SRGAP1: variants seen among roughly 807,000 people sequenced by gnomAD.
The protein encoded by SRGAP1 is SLIT-ROBO Rho GTPase-activating protein 1.
In SRGAP1, 43 loss-of-function variants were observed where a neutral mutation model predicts 121.9. That is an observed-to-expected ratio of 0.35 (90% CI 0.28 to 0.46). The LOEUF is 0.46. Ranked by LOEUF, SRGAP1 falls within the 20% of genes least tolerant of loss-of-function variation. The probability of loss-of-function intolerance (pLI) is 1.00; values close to 1 mark genes in which losing one functional copy is unlikely to be tolerated. For missense variants in SRGAP1, 1,102 were observed against 1,350.9 expected, an observed-to-expected ratio of 0.82 and a Z score of 2.89; for synonymous variants, 447 against 485.4, an observed-to-expected ratio of 0.92 and a Z score of 1.04.
intron 21 of SRGAP1, among the ~76,000 whole-genome samples, chr12:64,138,421 C>T (rs1423429156): frequency 6.6e-6 from 1 of 150,398 alleles, no homozygotes; most frequent in Non-Finnish European, 1.5e-5. Context: ...TAACTTCCCC[C>T]CTTTTACTAT....
chr12:63,886,010 T>G (rs1900369426), intron 1 of SRGAP1, among the ~76,000 whole-genome samples: 2 of 152,246 alleles, frequency 1.3e-5, no homozygotes, highest in Admixed American at 1.3e-4. Flanking sequence ...TCTGGCTCAT[T>G]GGATTAAAGT....
intron 1 of SRGAP1, among the ~76,000 whole-genome samples, chr12:63,953,631 T>G (rs891576517): frequency 6.6e-6 from 1 of 151,898 alleles, no homozygotes; most frequent in Non-Finnish European, 1.5e-5. Flanking sequence ...GGTCCCAAAC[T>G]CCTAGTCTCA....
At chr12:63,940,042 A>G (rs1444974201) in intron 1 of SRGAP1, among the ~76,000 whole-genome samples, 2 of 151,104 alleles carry the variant, frequency 1.3e-5, no homozygotes, top group Non-Finnish European at 3.0e-5. Context: ...GCTCACTACA[A>G]CCTCTACCTC....
At chr12:64,101,308 G>GGTGTGTGTGTGTGTGTGTGTGT (rs59020353) in intron 15 of SRGAP1, among the ~76,000 whole-genome samples, 3 of 138,010 alleles carry the variant, frequency 2.2e-5, no homozygotes, top group Non-Finnish European at 4.7e-5. Flanking sequence ...TGGGGAAAGG[G>GGTGTGTGTGTGTGTGTGTGTGT]GTGTGTGTGT....
At chr12:63,976,691 A>T (rs930386004) in intron 1 of SRGAP1, among the ~76,000 whole-genome samples, 1 of 152,214 alleles carries the variant, frequency 6.6e-6, no homozygotes, top group Non-Finnish European at 1.5e-5. Flanking sequence ...CTTTTCACTT[A>T]TATCATCTCA....
chr12:63,983,823 TATATATATATATATATATATA>T (rs2033331310), intron 1 of SRGAP1, 103 bp from the exon 2 acceptor site: 1 of 74,544 alleles, frequency 1.3e-5, no homozygotes, highest in South Asian at 4.4e-4. Context: ...TATATATATA[TATATATATATATATATATATA>T]TATATATATA....
At chr12:64,022,400 A>G (rs1410486512) in intron 4 of SRGAP1, among the ~76,000 whole-genome samples, 1 of 152,152 alleles carries the variant, frequency 6.6e-6, no homozygotes, top group African/African-American at 2.4e-5. Context: ...GAGAGAGTGA[A>G]TTCTCTCTTA....
intron 3 of SRGAP1, among the ~76,000 whole-genome samples, chr12:63,994,445 TAA>T (rs901785085): frequency 3.3e-5 from 5 of 152,092 alleles, no homozygotes; most frequent in African/African-American, 1.2e-4. Context: ...GTGGCTAAAT[TAA>T]GAGTTTTGTC....
At chr12:64,069,489 G>A (rs907553221) in intron 8 of SRGAP1, among the ~76,000 whole-genome samples, 3 of 152,114 alleles carry the variant, frequency 2.0e-5, no homozygotes, top group South Asian at 4.1e-4. Flanking sequence ...TCAGTCTCAC[G>A]ATTCCAACTT....
chr12:64,073,254 C>T (rs545518827), intron 8 of SRGAP1, among the ~76,000 whole-genome samples: 20 of 152,146 alleles, frequency 1.3e-4, no homozygotes, highest in African/African-American at 4.1e-4. Flanking sequence ...ACCATGACAC[C>T]ATTGCTTCTG....
intron 6 of SRGAP1, among the ~76,000 whole-genome samples, chr12:64,049,794 A>G (rs1441613276): frequency 6.6e-6 from 1 of 152,030 alleles, no homozygotes; most frequent in Non-Finnish European, 1.5e-5. Flanking sequence ...TGGTTACTAT[A>G]GTTTTGTAGT....
intron 4 of SRGAP1, among the ~76,000 whole-genome samples, chr12:64,038,261 G>A (rs535473011): frequency 3.3e-5 from 5 of 151,948 alleles, no homozygotes; most frequent in East Asian, 1.9e-4. Flanking sequence ...TAAATTATAC[G>A]TATATATGTA....
intron 8 of SRGAP1, among the ~76,000 whole-genome samples, chr12:64,067,249 T>TA (rs1270926532): frequency 3.3e-5 from 5 of 152,150 alleles, no homozygotes; most frequent in Admixed American, 3.3e-4. Flanking sequence ...CTTATAAACT[T>TA]AGAGAGTCAG....
rs1188930501 is a variant in SRGAP1 at position 63,990,064 on chromosome 12, T to C, written c.418T>C (p.Phe140Leu). ...MQISEDSTRM[F>L]KKSKEIAFQL... ...GATAAGTGAGGATTCTACCAGGATG[T>C]TTAAAAAGGTACACTCCATAAATCC... The change falls in exon 3 of 22, where the codon TTT becomes CTT. Residue 140 changes from phenylalanine to leucine, a missense_variant. By Grantham distance (22) the Phe-to-Leu change is conservative. Coordinates refer to ENST00000355086, the MANE Select transcript of SRGAP1 (RefSeq NM_020762.4). 2 of 1,605,030 alleles carry C rather than the reference T, an allele frequency of 1.2e-6. No homozygotes were observed. The highest frequency in any genetic ancestry group is 1.7e-6 in the Non-Finnish European group (2 of 1,176,510).
chr12:63,862,166 T>C (rs1056854652), intron 1 of SRGAP1, among the ~76,000 whole-genome samples: 2 of 152,214 alleles, frequency 1.3e-5, no homozygotes, highest in South Asian at 2.1e-4. Flanking sequence ...GAAGAAATTA[T>C]TATGAAAATT....
chr12:63,938,493 A>G (rs1292843745), intron 1 of SRGAP1, among the ~76,000 whole-genome samples: 2 of 152,136 alleles, frequency 1.3e-5, no homozygotes, highest in Non-Finnish European at 2.9e-5. Context: ...ACCTTAGCCC[A>G]AGCCAATCCC....
chr12:63,858,688 A>G (rs148833841), intron 1 of SRGAP1, among the ~76,000 whole-genome samples: 4 of 152,204 alleles, frequency 2.6e-5, no homozygotes, highest in African/African-American at 9.6e-5. Flanking sequence ...ATTTCTTCTC[A>G]TGTCAGTTTT....
chr12:63,961,280 A>G (rs1055340055), intron 1 of SRGAP1, among the ~76,000 whole-genome samples: 1 of 152,154 alleles, frequency 6.6e-6, no homozygotes, highest in Non-Finnish European at 1.5e-5. Flanking sequence ...GCTCCATTGG[A>G]CAGCATGCTT....
chr12:64,133,865 A>G (rs1046957018), intron 21 of SRGAP1, among the ~76,000 whole-genome samples: 8 of 152,002 alleles, frequency 5.3e-5, no homozygotes, highest in African/African-American at 1.9e-4. Context: ...GAACAACGTG[A>G]TTAATTAGCC....
Sources: gnomAD v4.1 joint callset for allele counts (sites outside exome capture counted in the v4.1 genomes callset) on GRCh38, gnomAD v4.1.1 for gene constraint, MANE v1.5 for transcripts, NCBI Gene and HGNC (gene_info 2026-07-23, HGNC 2026-07-21) for gene names.